CASP10: variants seen among roughly 807,000 people sequenced by gnomAD.
CASP10 encodes caspase-10.
A neutral mutation model predicts 48.5 loss-of-function variants in CASP10; 41 were observed. The ratio of observed to expected loss-of-function variants is 0.85; its 90% CI spans 0.66 to 1.10. CASP10 has a LOEUF of 1.10. Among genes scored for constraint, CASP10 ranks in the 50% least tolerant of loss-of-function variants. The pLI is 0.00. For missense variants in CASP10, 614 were observed against 614.5 expected (o/e 1.00, Z 0.01); for synonymous variants, 232 against 238.4 (o/e 0.97, Z 0.25).
At chr2:201,200,050 G>A (rs1401628776) in intron 5 of CASP10, among the ~76,000 whole-genome samples, 2 of 152,112 alleles carry the variant, frequency 1.3e-5, no homozygotes, top group South Asian at 4.2e-4. Flanking sequence ...GTACGTTCTG[G>A]CCAGAATATC....
At chr2:201,229,280 G>A (rs577764451) in exon 10 of CASP10, 43 of 623,086 alleles carry the variant, frequency 6.9e-5, no homozygotes, top group Middle Eastern at 4.4e-4. Flanking sequence ...TTGTTTCATC[G>A]TAAACATACT....
At chr2:201,203,592 C>T in intron 5 of CASP10, 138 bp from the exon 6 acceptor site, 1 of 778,610 alleles carries the variant, frequency 1.3e-6, no homozygotes. Context: ...CAGGCATGAG[C>T]CACCGCAACC....
At chr2:201,184,958 C>T (rs1270721488) in intron 1 of CASP10, among the ~76,000 whole-genome samples, 2 of 152,016 alleles carry the variant, frequency 1.3e-5, no homozygotes, top group Non-Finnish European at 2.9e-5. Context: ...TTGTCTAAAA[C>T]CACCCTTTCC....
chr2:201,210,877 C>T (rs1307532704), intron 9 of CASP10, among the ~76,000 whole-genome samples: 4 of 151,866 alleles, frequency 2.6e-5, no homozygotes, highest in Admixed American at 6.6e-5. Context: ...AAAAATTCAA[C>T]AATATTAAAA....
chr2:201,192,524 C>G (rs1944646039), intron 3 of CASP10, among the ~76,000 whole-genome samples: 1 of 151,766 alleles, frequency 6.6e-6, no homozygotes, highest in African/African-American at 2.4e-5. Context: ...TTTGGTGTCC[C>G]TCTTTTGCTG....
chr2:201,223,994 C>T (rs1473069592), downstream of CASP10, among the ~76,000 whole-genome samples: 2 of 145,560 alleles, frequency 1.4e-5, no homozygotes, highest in Non-Finnish European at 1.5e-5. Context: ...TTTTTTGAGA[C>T]GGAGTCTTGC....
intron 9 of CASP10, among the ~76,000 whole-genome samples, chr2:201,210,893 C>T (rs947774938): frequency 9.2e-5 from 14 of 152,098 alleles, no homozygotes; most frequent in Non-Finnish European, 4.4e-5. Flanking sequence ...TAAAAGGAGA[C>T]AGTATACATG....
intron 6 of CASP10, 127 bp from the exon 7 acceptor site, chr2:201,205,755 T>C: frequency 1.4e-6 from 1 of 706,876 alleles, no homozygotes; most frequent in Non-Finnish European, 2.6e-6. Flanking sequence ...AAGGGCATGG[T>C]GGCTGAATTT....
downstream of CASP10, among the ~76,000 whole-genome samples, chr2:201,223,306 C>T (rs1176338934): frequency 6.6e-6 from 1 of 152,232 alleles, no homozygotes; most frequent in Non-Finnish European, 1.5e-5. Flanking sequence ...TCCTCCTCCA[C>T]CGTCCCTCAC....
intron 4 of CASP10, 141 bp from the exon 5 acceptor site, chr2:201,195,701 C>T (rs566510495): frequency 1.6e-4 from 103 of 664,088 alleles, no homozygotes; most frequent in South Asian, 1.5e-3. Flanking sequence ...TTTTTTGAGA[C>T]GGACTCCTAC....
rs1559292724 is a variant in CASP10, at chr2:201,186,139, G to A, written c.347+15G>A. ...TCTCTGTTTAGGTGAGGACGGGTCT[G>A]TGGTGGAGATGGGAGGATCTCCCAT... On this transcript the variant is annotated intron_variant, in intron 2 of 9. Transcript: ENST00000286186. The A allele has an allele frequency of 6.3e-7, 1 of 1,589,028 alleles. No homozygotes were observed. Among genetic ancestry groups the A allele is most frequent in the East Asian group, 2.2e-5 (1 of 44,796 alleles).
rs41370048 is a variant in CASP10, at chr2:201,203,441, G to A, written c.685-289G>A. 4.2e-3 allele frequency among the ~76,000 whole-genome samples: 639 copies of A among 152,004 alleles called. 3 individuals are homozygous for A. Among genetic ancestry groups the A allele is most frequent in the African/African-American group, 0.014 (596 of 41,448 alleles). ...CCTGCCTCAGCCTCCTGAGTAGCTG[G>A]GATTACTGGCATGCGCTACCACACC... On this transcript the variant is annotated intron_variant, in intron 5 of 9. Transcript: ENST00000286186.
At chr2:201,217,077 T>C (rs1053192030) in intron 9 of CASP10, among the ~76,000 whole-genome samples, 3 of 152,236 alleles carry the variant, frequency 2.0e-5, no homozygotes, top group African/African-American at 7.2e-5. Context: ...AAATGTTTCA[T>C]ATCTGCATTC....
At chr2:201,216,543 A>G (rs1399557366) in intron 9 of CASP10, among the ~76,000 whole-genome samples, 1 of 152,170 alleles carries the variant, frequency 6.6e-6, no homozygotes, top group Non-Finnish European at 1.5e-5. Flanking sequence ...AGGGATTGAG[A>G]GCAGGTAAGG....
At chr2:201,186,329 C>A in intron 2 of CASP10, 1 of 561,150 alleles carries the variant, frequency 1.8e-6, no homozygotes. Flanking sequence ...AGACCAAGCC[C>A]TGGGCCCAGA....
At chr2:201,198,672 C>G (rs932778676) in intron 5 of CASP10, among the ~76,000 whole-genome samples, 10 of 151,066 alleles carry the variant, frequency 6.6e-5, no homozygotes, top group African/African-American at 2.2e-4. Flanking sequence ...TTCCAAGTAG[C>G]TGGGACCACA....
intron 3 of CASP10, among the ~76,000 whole-genome samples, chr2:201,190,849 A>AATT (rs574770979): frequency 0.041 from 6,116 of 150,076 alleles, 150 homozygotes; most frequent in Middle Eastern, 0.09. Context: ...GTGGCTACAG[A>AATT]ATTATTATTA....
chr2:201,222,220 C>T (rs376828497), downstream of CASP10, among the ~76,000 whole-genome samples: 10 of 136,628 alleles, frequency 7.3e-5, no homozygotes, highest in South Asian at 2.3e-4. Context: ...TTTATTCATT[C>T]TTTTTTTTTT....
Position 201,217,588 on chromosome 2 carries a change from A to G in CASP10, c.1416A>G (p.Arg472=), listed in dbSNP as rs1272571715. The G allele has an allele frequency of 1.2e-6, 2 of 1,611,828 alleles. No homozygotes were observed. The highest frequency in any genetic ancestry group is 1.7e-6 in the Non-Finnish European group (2 of 1,177,966). The change falls in exon 10 of 10, where the codon AGA becomes AGG. Residue 472 remains arginine (R), a splice_region_variant and synonymous_variant. Coordinates refer to ENST00000286186, the MANE Select transcript of CASP10 (RefSeq NM_032977.4). ...LCNHLKKLVP[R]HEDILSILTA... ...AATTTTGTTTTCTTCTTTGTTGCAG[A>G]CATGAAGACATCTTATCCATCCTCA...
Sources: gnomAD v4.1 joint callset for allele counts (sites outside exome capture counted in the v4.1 genomes callset) on GRCh38, gnomAD v4.1.1 for gene constraint, MANE v1.5 for transcripts, NCBI Gene and HGNC (gene_info 2026-07-23, HGNC 2026-07-21) for gene names.